The following SLC20A2 variants were observed in gnomAD, a reference collection of about 807,000 sequenced individuals.
SLC20A2 encodes the protein sodium-dependent phosphate transporter 2.
A neutral mutation model predicts 61.0 loss-of-function variants in SLC20A2; 30 were observed. That is an observed-to-expected ratio of 0.49 (90% CI 0.37 to 0.67). SLC20A2 has a LOEUF of 0.67. Ranked by LOEUF, SLC20A2 falls within the 30% of genes least tolerant of loss-of-function variation. The pLI is 0.00. For missense variants in SLC20A2, 626 were observed against 866.4 expected (o/e 0.72, Z 3.48); for synonymous variants, 351 against 353.3 (o/e 0.99, Z 0.07).
intron 1 of SLC20A2, chr8:42,484,869 G>A (rs889271578): frequency 3.7e-5 from 14 of 382,510 alleles, no homozygotes; most frequent in East Asian, 8.0e-5. Context: ...TGGTCTACAC[G>A]CAGCCACTGA....
intron 2 of SLC20A2, among the ~76,000 whole-genome samples, chr8:42,467,769 G>A (rs1807296601): frequency 6.6e-6 from 1 of 152,206 alleles, no homozygotes; most frequent in South Asian, 2.1e-4. Context: ...CTCCATGGCA[G>A]CGCCAGGCCT....
chr8:42,524,486 A>T (rs1811791397), intron 1 of SLC20A2, among the ~76,000 whole-genome samples: 1 of 152,198 alleles, frequency 6.6e-6, no homozygotes, highest in South Asian at 2.1e-4. Flanking sequence ...CTTGCATGAG[A>T]TATAAAATAT....
rs565518957 is a variant in SLC20A2 at position 42,462,872 on chromosome 8, G to A, written c.516+133C>T. ...CTGGCTATTTATAATAACATCTGAC[G>A]CTAACTGCAGGGTGCTGTGCCTTGA... On this transcript the variant is annotated intron_variant, in intron 4 of 10. Transcript: ENST00000520262. 304 of 492,640 alleles carry A rather than the reference G, an allele frequency of 6.2e-4. 1 individual carries two copies. The highest frequency in any genetic ancestry group is 5.7e-3 in the African/African-American group (285 of 50,234). The allele number at this position is 492,640 out of a possible 1,614,324, so 30.5% of individuals were successfully genotyped here.
rs1395863966 is a variant in SLC20A2, at chr8:42,437,298, G to A, written c.1214C>T (p.Ala405Val). ...GLPVHATFRA[A>V]DSSAPEDSEK... ...ACTGTCCTCTGGGGCCGATGAGTCC[G>A]CAGCTCGAAAGGTGGCGTGCACTGG... Residue 405 changes from alanine (A) to valine (V), a missense_variant, in exon 8 of 11, where the codon GCG becomes GTG. By Grantham distance (64) the Ala-to-Val change is moderately conservative. This residue lies in a region of SLC20A2 where 361 missense variants were observed against 422.3 expected (regional missense o/e 0.85). Coordinates refer to ENST00000520262, the MANE Select transcript of SLC20A2 (RefSeq NM_001257180.2). The surrounding 1 kb of genome is among the most constrained non-coding windows in gnomAD (Gnocchi z 6.4). 14 of 1,614,010 alleles carry A rather than the reference G, an allele frequency of 8.7e-6. No individual in the cohort carries two copies. The highest frequency in any genetic ancestry group is 4.5e-5 in the East Asian group (2 of 44,886).
chr8:42,517,782 CACTA>C (rs1811404058), intron 1 of SLC20A2, among the ~76,000 whole-genome samples: 1 of 152,140 alleles, frequency 6.6e-6, no homozygotes, highest in Non-Finnish European at 1.5e-5. Flanking sequence ...AGTCAACTGA[CACTA>C]ACTCATTTAT....
At position 42,421,409 on chromosome 8, in the gene SLC20A2, C is replaced by T. The variant is rs149412388; in HGVS notation, c.1795-3442G>A. Among the ~76,000 whole-genome samples the T allele has an allele frequency of 5.3e-4, 80 of 152,192 alleles. No individual in the cohort carries two copies. The Middle Eastern group carries it at 0.01, about 19-fold the overall frequency. ...TTATGGTGGCAGTTTTTTTCCCTCC[C>T]GTTACATTTTCTAATTGGCTATTGC... On this transcript the variant is annotated intron_variant, in intron 10 of 10. Transcript: ENST00000520262.
At chr8:42,448,332 A>G (rs1185371974) in intron 5 of SLC20A2, among the ~76,000 whole-genome samples, 1 of 152,244 alleles carries the variant, frequency 6.6e-6, no homozygotes, top group Non-Finnish European at 1.5e-5. Context: ...TACATATTTT[A>G]AAAATGAGTG....
intron 1 of SLC20A2, chr8:42,484,566 G>A (rs1184488382): frequency 1.2e-5 from 2 of 167,222 alleles, no homozygotes; most frequent in South Asian, 1.6e-4. Flanking sequence ...CCCCATGCAC[G>A]ATAAAGATCA....
intron 10 of SLC20A2, among the ~76,000 whole-genome samples, chr8:42,421,629 A>G (rs1803046478): frequency 6.6e-6 from 1 of 151,960 alleles, no homozygotes; most frequent in Admixed American, 6.6e-5. Context: ...ACATGGAGAA[A>G]CCCCGTCTCT....
At chr8:42,519,855 A>AT (rs1331994442) in intron 1 of SLC20A2, among the ~76,000 whole-genome samples, 1 of 152,170 alleles carries the variant, frequency 6.6e-6, no homozygotes. Flanking sequence ...ATCATGTATA[A>AT]TTAGCCTGGA....
At chr8:42,533,125 A>T (rs1446028199) in intron 1 of SLC20A2, among the ~76,000 whole-genome samples, 1 of 152,240 alleles carries the variant, frequency 6.6e-6, no homozygotes. Context: ...TTGCTTCATT[A>T]AATTAAAAAT....
chr8:42,437,755 A>G lies in SLC20A2; in HGVS notation c.935-178T>C, dbSNP rs917964596. Among the ~76,000 whole-genome samples the G allele has an allele frequency of 1.3e-5, 2 of 151,830 alleles. No homozygotes were observed. The highest frequency in any genetic ancestry group is 2.9e-5 in the Non-Finnish European group (2 of 67,972). ...CTCAGCCTCCTGAGTAGCTGGGACT[A>G]CAAGCGCGACACCATGCCCAGCTAA... On this transcript the variant is annotated intron_variant, in intron 7 of 10. Transcript: ENST00000520262. This position sits in a 1 kb window ranked among gnomAD's most constrained non-coding sequence, Gnocchi z 6.4.
intron 4 of SLC20A2, 56 bp from the exon 5 acceptor site, chr8:42,460,048 C>A: frequency 1.0e-6 from 1 of 956,308 alleles, no homozygotes; most frequent in East Asian, 2.5e-5. Context: ...GCATTTGGAG[C>A]CAACACAGAC....
chr8:42,468,881 C>G (rs1047113797), intron 2 of SLC20A2, among the ~76,000 whole-genome samples: 6 of 152,158 alleles, frequency 3.9e-5, no homozygotes, highest in African/African-American at 1.4e-4. Context: ...TTTGAATTCT[C>G]AGATTTTTGG....
intron 5 of SLC20A2, among the ~76,000 whole-genome samples, chr8:42,455,693 A>C (rs1240223562): frequency 6.6e-6 from 1 of 152,134 alleles, no homozygotes; most frequent in Non-Finnish European, 1.5e-5. Flanking sequence ...TTTTATTATC[A>C]TTAACTGCTA....
intron 1 of SLC20A2, among the ~76,000 whole-genome samples, chr8:42,533,654 C>CTTTTTTTCTTTTCT (rs1253260874): frequency 1.8e-5 from 1 of 55,308 alleles, no homozygotes; most frequent in African/African-American, 8.1e-5. Flanking sequence ...ATCAACTGTT[C>CTTTTTTTCTTTTCT]TTTTTTTTTT....
intron 8 of SLC20A2, 90 bp downstream of exon 8, chr8:42,436,899 C>G (rs534025138): frequency 2.5e-6 from 3 of 1,195,614 alleles, no homozygotes; most frequent in South Asian, 1.5e-5. Flanking sequence ...CCATCGGTGC[C>G]GTTCACTGCT....
In SLC20A2 at chr8:42,465,645, T is replaced by C. The variant is rs186964916; in HGVS notation, c.430+132A>G. 1.4e-3 allele frequency: 1,111 copies of C among 805,050 alleles called. 4 individuals carry two copies. Among genetic ancestry groups the C allele is most frequent in the African/African-American group, 0.01 (557 of 55,372 alleles). 49.9% of individuals were successfully genotyped at this position (805,050 alleles called of 1,614,324 possible). A position where few individuals can be genotyped will look rare whatever the true frequency, so the allele number is the denominator to read the frequency against. ...GGTGGAGGTTGCAGTGAGCCGAGATTGCACCACTGCACTCCAGCCTGGCAA... is the reference window on the plus strand; with the variant it reads ...GGTGGAGGTTGCAGTGAGCCGAGATCGCACCACTGCACTCCAGCCTGGCAA... On this transcript the variant is annotated intron_variant, in intron 3 of 10. Coordinates refer to ENST00000520262, the MANE Select transcript of SLC20A2 (RefSeq NM_001257180.2).
rs1169410244 is a variant in SLC20A2 at position 42,472,377 on chromosome 8, T to G, written c.14A>C (p.Glu5Ala). MAMD[E>A]YLWMVILGFI... is the part of the protein sequence containing the mutation. ...ACCCAAAATGACCATCCACAAATAC[T>G]CATCCATGGCCATTTTGGAAAGTGG... Residue 5 changes from glutamate (E) to alanine (A), a missense_variant, in exon 2 of 11, where the codon GAG becomes GCG. Glu to Ala is a moderately radical substitution (Grantham distance 107, BLOSUM62 -1). Coordinates refer to ENST00000520262, the MANE Select transcript of SLC20A2 (RefSeq NM_001257180.2). The surrounding 1 kb of genome is among the most constrained non-coding windows in gnomAD (Gnocchi z 4.1). The G allele has an allele frequency of 6.2e-7, 1 of 1,611,972 alleles. No individual in the cohort carries two copies. The highest frequency in any genetic ancestry group is 8.5e-7 in the Non-Finnish European group (1 of 1,178,262).
Sources: allele counts gnomAD v4.1 joint callset (sites outside exome capture counted in the v4.1 genomes callset), GRCh38; gene constraint gnomAD v4.1.1; regional missense constraint gnomAD v4.1.1; non-coding constraint Gnocchi (gnomAD v3.1); transcripts MANE v1.5; gene names NCBI Gene and HGNC (gene_info 2026-07-23, HGNC 2026-07-21).